BCL6: variants seen among roughly 807,000 people sequenced by gnomAD.
The protein encoded by BCL6 is BCL6 transcription repressor.
Under a neutral mutation model 59.5 loss-of-function variants are expected in BCL6, and 7 were observed. The observed-to-expected ratio is 0.12, with a 90% CI of 0.07 to 0.22. BCL6 has a LOEUF of 0.22. Among genes scored for constraint, BCL6 ranks in the 10% least tolerant of loss-of-function variants. The pLI is 1.00. For synonymous variants in BCL6, 339 were observed against 349.7 expected (o/e 0.97, Z 0.34); for missense variants, 685 against 939.4 (o/e 0.73, Z 3.54).
At chr3:187,744,452 C>G (rs531477482) in intron 1 of BCL6, among the ~76,000 whole-genome samples, 1 of 152,266 alleles carries the variant, frequency 6.6e-6, no homozygotes, top group African/African-American at 2.4e-5. Flanking sequence ...TTCAACATCC[C>G]CGCCCCCAAG....
chr3:187,736,352 A>G (rs1553840881), intron 1 of BCL6: 1 of 152,274 alleles, frequency 6.6e-6, no homozygotes, highest in South Asian at 2.1e-4. Flanking sequence ...AACTTCAAGG[A>G]TTTTCTCCTT....
intron 1 of BCL6, among the ~76,000 whole-genome samples, chr3:187,741,148 T>C (rs1433937701): frequency 6.6e-6 from 1 of 152,174 alleles, no homozygotes; most frequent in African/African-American, 2.4e-5. Context: ...GGGGGTGTGA[T>C]TGCCTCTAAA....
At chr3:187,744,879 C>G (rs1576885794) in intron 1 of BCL6, among the ~76,000 whole-genome samples, 13 of 152,202 alleles carry the variant, frequency 8.5e-5, no homozygotes, top group East Asian at 3.9e-4. Flanking sequence ...AGAGAGATCA[C>G]AAGCCGTACG....
chr3:187,729,250 G>A lies in BCL6; in HGVS notation c.1155C>T (p.Ser385=). 6.2e-7 allele frequency: 1 copy of A among 1,614,144 alleles called. No individual in the cohort carries two copies. The change falls in exon 5 of 10, where the codon AGC becomes AGT. Residue 385 remains serine (S), a synonymous_variant. Coordinates refer to ENST00000406870, the MANE Select transcript of BCL6 (RefSeq NM_001706.5). The surrounding 1 kb of genome is among the most constrained non-coding windows in gnomAD (Gnocchi z 5.6). ...CCTCTGGTTTGGCATTCTGGTTGAG[G>A]CTGTTGAGCACGATGAACTTGTATT... ...WKKYKFIVLN[S]LNQNAKPEGP... is the part of the protein sequence containing the mutation.
chr3:187,745,195 T>C (rs1711881631), intron 1 of BCL6, among the ~76,000 whole-genome samples: 3 of 152,270 alleles, frequency 2.0e-5, no homozygotes, highest in Admixed American at 6.5e-5. Flanking sequence ...GGCATTTATT[T>C]TAACACCTGA....
chr3:187,738,553 T>C (rs772666984), intron 1 of BCL6, among the ~76,000 whole-genome samples: 3 of 152,128 alleles, frequency 2.0e-5, no homozygotes, highest in Non-Finnish European at 4.4e-5. Context: ...GCGCGCGCAC[T>C]GGCACTCTCC....
At chr3:187,744,223 A>G (rs577976051) in intron 1 of BCL6, among the ~76,000 whole-genome samples, 2 of 152,254 alleles carry the variant, frequency 1.3e-5, no homozygotes, top group South Asian at 2.1e-4. Context: ...AGCGGCCAGA[A>G]ATCCCGCCAC....
rs1237605716 is a variant in BCL6 at position 187,722,560 on chromosome 3, C to T, written c.2019G>A (p.Leu673=). ...CNLHFRHKSQ[L]RLHLRQKHGA... ...CATGCTTCTGGCGCAAGTGAAGTCG[C>T]AGCTGGCTTTTGTGACGGAAATGCA... is the stretch of plus-strand genomic sequence containing the variant. The change falls in exon 10 of 10, where the codon CTG becomes CTA. Residue 673 remains leucine (L), a synonymous_variant. Transcript: ENST00000406870. The T allele has an allele frequency of 6.2e-7, 1 of 1,613,920 alleles. No homozygotes were observed. The highest frequency in any genetic ancestry group is 1.7e-5 in the Admixed American group (1 of 59,962).
intron 9 of BCL6, among the ~76,000 whole-genome samples, chr3:187,724,360 C>T (rs767733575): frequency 2.6e-5 from 4 of 152,186 alleles, no homozygotes; most frequent in East Asian, 1.9e-4. Flanking sequence ...CTATAGCTGC[C>T]GAGACCCCGC....
chr3:187,744,963 T>G (rs1711849060), intron 1 of BCL6, among the ~76,000 whole-genome samples: 1 of 152,162 alleles, frequency 6.6e-6, no homozygotes, highest in Non-Finnish European at 1.5e-5. Context: ...GCCCCCAGAC[T>G]AGCCCGAATC....
At chr3:187,732,001 A>T in intron 3 of BCL6, 71 bp from the exon 4 acceptor site, 1 of 1,327,156 alleles carries the variant, frequency 7.5e-7, no homozygotes, top group East Asian at 2.5e-5. Context: ...CAGCACTGAT[A>T]CTCAGCCCCT....
At chr3:187,739,111 TC>T (rs978236599) in intron 1 of BCL6, among the ~76,000 whole-genome samples, 10 of 151,962 alleles carry the variant, frequency 6.6e-5, no homozygotes, top group Non-Finnish European at 1.2e-4. Flanking sequence ...CTTCCGCCCT[TC>T]CCCCCTCCTC....
chr3:187,730,129 C>T, intron 4 of BCL6, 108 bp from the exon 5 acceptor site: 6 of 1,420,318 alleles, frequency 4.2e-6, no homozygotes, highest in Non-Finnish European at 5.6e-6. Context: ...ATTAGCTAGA[C>T]ATAGGTGACG....
chr3:187,743,711 C>T, intron 1 of BCL6, among the ~76,000 whole-genome samples: 1 of 151,926 alleles, frequency 6.6e-6, no homozygotes, highest in East Asian at 1.9e-4. Flanking sequence ...GGGGTGGCCC[C>T]TAGCTCCTGC....
At chr3:187,737,719 G>C (rs6784149) in intron 1 of BCL6, 148,231 of 149,028 alleles carry the variant, frequency 0.99, 73,727 homozygotes, top group Middle Eastern at 1. Flanking sequence ...TAAAACTTTT[G>C]GTGCACCTCG....
intron 1 of BCL6, among the ~76,000 whole-genome samples, chr3:187,744,735 CAGA>C (rs1711814036): frequency 6.6e-6 from 1 of 151,956 alleles, no homozygotes; most frequent in South Asian, 2.1e-4. Context: ...CGGAGTTACC[CAGA>C]AGGACAGGGG....
intron 1 of BCL6, among the ~76,000 whole-genome samples, chr3:187,744,586 A>T (rs2108483870): frequency 6.6e-6 from 1 of 152,252 alleles, no homozygotes; most frequent in South Asian, 2.1e-4. Flanking sequence ...AAAAAAACAA[A>T]AACAAAAACC....
At chr3:187,724,664 C>G (rs1718583466) in intron 9 of BCL6, 1 of 458,612 alleles carries the variant, frequency 2.2e-6, no homozygotes, top group Non-Finnish European at 4.0e-6. Flanking sequence ...TATCCACAGT[C>G]TAGACTCCTC....
rs61732644 is a variant in BCL6 at position 187,739,365 on chromosome 3, G to A, written c.-49-4458C>T. Among the ~76,000 whole-genome samples, 1,356 of 152,330 alleles carry A rather than the reference G, an allele frequency of 8.9e-3. 13 individuals carry two copies. The highest frequency in any genetic ancestry group is 0.01 in the Non-Finnish European group (701 of 68,030). Reference sequence around the variant, plus strand: ...CGGCTGCAGACACCACCGTGGTCCGGCGGCAGGGGGTGAGGTCAAATCGCG... The same window carrying A: ...CGGCTGCAGACACCACCGTGGTCCGACGGCAGGGGGTGAGGTCAAATCGCG... On this transcript the variant is annotated intron_variant, in intron 1 of 9. Transcript: ENST00000406870.
Sources: allele counts gnomAD v4.1 joint callset (sites outside exome capture counted in the v4.1 genomes callset), GRCh38; gene constraint gnomAD v4.1.1; non-coding constraint Gnocchi (gnomAD v3.1); transcripts MANE v1.5; gene names NCBI Gene and HGNC (gene_info 2026-07-23, HGNC 2026-07-21).